The following SNRK variants were observed in gnomAD, a reference collection of about 807,000 sequenced individuals.
The protein encoded by SNRK is SNF-related serine/threonine-protein kinase.
In SNRK, 3 loss-of-function variants were observed where a neutral mutation model predicts 48.2. That is an observed-to-expected ratio of 0.06 (90% CI 0.03 to 0.16). The LOEUF (loss-of-function observed/expected upper bound fraction) is 0.16. Ranked by LOEUF, SNRK falls within the 10% of genes least tolerant of loss-of-function variation. SNRK has a pLI of 1.00. For synonymous variants in SNRK, 376 were observed against 366.1 expected (o/e 1.03, Z -0.31); for missense variants, 627 against 976.0 (o/e 0.64, Z 4.76).
intron 1 of SNRK, among the ~76,000 whole-genome samples, chr3:43,291,331 A>C (rs2090810623): frequency 6.6e-6 from 1 of 152,178 alleles, no homozygotes; most frequent in South Asian, 2.1e-4. Flanking sequence ...AGGAGAAAAG[A>C]ACACCTCTTT....
intron 3 of SNRK, among the ~76,000 whole-genome samples, chr3:43,312,391 A>G (rs2090984965): frequency 6.6e-6 from 1 of 152,204 alleles, no homozygotes; most frequent in Non-Finnish European, 1.5e-5. Flanking sequence ...ATTGGTGTGT[A>G]AAAAACTAGA....
At chr3:43,345,130 T>A (rs1304590680) in intron 6 of SNRK, among the ~76,000 whole-genome samples, 1 of 152,188 alleles carries the variant, frequency 6.6e-6, no homozygotes, top group Non-Finnish European at 1.5e-5. Flanking sequence ...ATACCAGAGC[T>A]TTCTGAACTG....
intron 2 of SNRK, among the ~76,000 whole-genome samples, chr3:43,302,592 G>T (rs1488051320): frequency 6.6e-6 from 1 of 151,704 alleles, no homozygotes; most frequent in South Asian, 2.1e-4. Context: ...ATTGAGGAGA[G>T]AAGGTAATTC....
intron 5 of SNRK, among the ~76,000 whole-genome samples, chr3:43,341,156 G>GTT (rs561432916): frequency 2.1e-5 from 3 of 143,880 alleles, no homozygotes; most frequent in African/African-American, 2.5e-5. Context: ...TTTTGTTTTT[G>GTT]TTTTTTTTTT....
chr3:43,341,584 A>C (rs2091238346), intron 5 of SNRK, among the ~76,000 whole-genome samples: 1 of 152,250 alleles, frequency 6.6e-6, no homozygotes, highest in African/African-American at 2.4e-5. Context: ...CCACAAATTA[A>C]AGGTCAGAAG....
intron 3 of SNRK, among the ~76,000 whole-genome samples, chr3:43,309,176 A>G (rs2090959988): frequency 6.6e-6 from 1 of 152,062 alleles, no homozygotes; most frequent in Non-Finnish European, 1.5e-5. Context: ...TTGTTGTTTT[A>G]TCTTAATTTT....
chr3:43,329,068 T>C (rs1196143871), intron 3 of SNRK, among the ~76,000 whole-genome samples: 1 of 152,238 alleles, frequency 6.6e-6, no homozygotes, highest in Non-Finnish European at 1.5e-5. Flanking sequence ...GAACACATTT[T>C]AAAATAATTT....
At chr3:43,316,361 CTA>C (rs111441790) in intron 3 of SNRK, among the ~76,000 whole-genome samples, 12,057 of 151,878 alleles carry the variant, frequency 0.079, 600 homozygotes, top group African/African-American at 0.12. Context: ...TAAAAAATAC[CTA>C]TGTTGCCTGG....
intron 3 of SNRK, among the ~76,000 whole-genome samples, chr3:43,307,939 T>C (rs1334456505): frequency 6.6e-6 from 1 of 152,232 alleles, no homozygotes; most frequent in Non-Finnish European, 1.5e-5. Context: ...AGAAAAGTTC[T>C]TGAAGGAAAT....
chr3:43,299,948 T>G (rs918175658), intron 2 of SNRK, 133 bp downstream of exon 2: 2 of 152,462 alleles, frequency 1.3e-5, no homozygotes, highest in Non-Finnish European at 2.9e-5. Context: ...TTAGTTACTT[T>G]GTACTCTAAC....
At chr3:43,309,140 G>A (rs932243445) in intron 3 of SNRK, among the ~76,000 whole-genome samples, 1 of 152,150 alleles carries the variant, frequency 6.6e-6, no homozygotes, top group Non-Finnish European at 1.5e-5. Context: ...TTGTGGATGA[G>A]CAAAGAAAGT....
chr3:43,337,870 CATGGGGATT>C (rs1350061341), intron 4 of SNRK, among the ~76,000 whole-genome samples: 2 of 152,134 alleles, frequency 1.3e-5, no homozygotes, highest in African/African-American at 2.4e-5. Flanking sequence ...TCTGTTGACA[CATGGGGATT>C]ATGGGGATTA....
chr3:43,339,820 T>TATATAC (rs1559470335), intron 4 of SNRK, among the ~76,000 whole-genome samples: 1 of 2,022 alleles, frequency 4.9e-4, no homozygotes, highest in African/African-American at 3.3e-3. Flanking sequence ...ATTTCCAAAA[T>TATATAC]ATATATATAT....
intron 3 of SNRK, among the ~76,000 whole-genome samples, chr3:43,322,869 G>A (rs1484233717): frequency 2.7e-5 from 4 of 150,162 alleles, no homozygotes; most frequent in Non-Finnish European, 5.9e-5. Context: ...GGAGAATGGC[G>A]TGAACCCGGG....
intron 2 of SNRK, among the ~76,000 whole-genome samples, chr3:43,301,154 AAAT>A: frequency 6.6e-6 from 1 of 152,374 alleles, no homozygotes; most frequent in South Asian, 2.1e-4. Flanking sequence ...AAAGTGCAAA[AAAT>A]ATATTAGTAA....
intron 3 of SNRK, among the ~76,000 whole-genome samples, chr3:43,326,689 AG>A (rs1394844537): frequency 6.6e-6 from 1 of 152,162 alleles, no homozygotes; most frequent in Non-Finnish European, 1.5e-5. Context: ...CCCTCAGAGT[AG>A]GGAGTCTGGG....
At chr3:43,328,844 G>C (rs562231198) in intron 3 of SNRK, among the ~76,000 whole-genome samples, 3 of 152,108 alleles carry the variant, frequency 2.0e-5, no homozygotes, top group Admixed American at 2.0e-4. Context: ...GGCTTGGGAG[G>C]CTTGTAAGGG....
chr3:43,293,743 C>T (rs2090831067), intron 1 of SNRK, among the ~76,000 whole-genome samples: 1 of 151,626 alleles, frequency 6.6e-6, no homozygotes, highest in Admixed American at 6.6e-5. Flanking sequence ...GGCAAAACCC[C>T]ATCTCTACTA....
chr3:43,296,428 A>G (rs1269003313), intron 1 of SNRK, among the ~76,000 whole-genome samples: 5 of 146,014 alleles, frequency 3.4e-5, no homozygotes, highest in African/African-American at 1.2e-4. Flanking sequence ...ATATATATAT[A>G]TATATGTATA....
Sources: allele counts gnomAD v4.1 joint callset (sites outside exome capture counted in the v4.1 genomes callset), GRCh38; gene constraint gnomAD v4.1.1; transcripts MANE v1.5; gene names NCBI Gene and HGNC (gene_info 2026-07-23, HGNC 2026-07-21).